The following AGMO variants were observed in gnomAD, a reference collection of about 807,000 sequenced individuals.
AGMO encodes alkylglycerol monooxygenase.
AGMO carries 75 observed loss-of-function variants against 60.2 expected under a neutral mutation model. That is an observed-to-expected ratio of 1.25 (90% CI 1.03 to 1.51). The LOEUF (loss-of-function observed/expected upper bound fraction) is 1.51. Among genes scored for constraint, AGMO ranks in the 40% most tolerant of loss-of-function variants. AGMO has a pLI of 0.00. For missense variants in AGMO, 763 were observed against 525.5 expected (o/e 1.45, Z -4.42); for synonymous variants, 261 against 177.1 (o/e 1.47, Z -3.76).
At chr7:15,129,598 A>T in the AGMO span, among the ~76,000 whole-genome samples, 28 of 152,264 alleles carry the variant, frequency 1.8e-4, no homozygotes, top group South Asian at 5.0e-3. Context: ...TATTCTTTAA[A>T]GACAACAGCT....
intron 12 of AGMO, among the ~76,000 whole-genome samples, chr7:15,305,241 A>T (rs912571603): frequency 9.3e-6 from 1 of 108,096 alleles, no homozygotes; most frequent in Admixed American, 8.4e-5. Context: ...CAATCTGGTT[A>T]AAAAAAAAAA....
chr7:15,308,471 G>C (rs943654480), intron 12 of AGMO, among the ~76,000 whole-genome samples: 1 of 152,000 alleles, frequency 6.6e-6, no homozygotes, highest in East Asian at 1.9e-4. Flanking sequence ...CTACATCATG[G>C]TGTTTTTCAC....
intron 12 of AGMO, among the ~76,000 whole-genome samples, chr7:15,244,720 C>T (rs1017266020): frequency 5.3e-5 from 8 of 152,064 alleles, no homozygotes; most frequent in African/African-American, 2.4e-5. Flanking sequence ...GGCGCGATCT[C>T]GGCTCACTGC....
intron 2 of AGMO, among the ~76,000 whole-genome samples, chr7:15,559,921 A>G (rs1785256597): frequency 6.6e-6 from 1 of 152,164 alleles, no homozygotes; most frequent in Non-Finnish European, 1.5e-5. Flanking sequence ...TCAAAGGGAT[A>G]TCAACAGAGT....
At chr7:15,120,989 C>G in the AGMO span, among the ~76,000 whole-genome samples, 31 of 152,134 alleles carry the variant, frequency 2.0e-4, no homozygotes, top group East Asian at 2.0e-3. Context: ...CACCCCCAGA[C>G]AGGCCACCGT....
At chr7:15,144,683 C>T in the AGMO span, among the ~76,000 whole-genome samples, 1 of 152,202 alleles carries the variant, frequency 6.6e-6, no homozygotes, top group Non-Finnish European at 1.5e-5. Flanking sequence ...TCTGCCCTTG[C>T]CGCTTTACAG....
chr7:15,282,158 T>C (rs114918749), intron 12 of AGMO, among the ~76,000 whole-genome samples: 1,752 of 152,178 alleles, frequency 0.012, 32 homozygotes, highest in African/African-American at 0.04. Context: ...TCTGGTAATA[T>C]GACAAAACAG....
intron 12 of AGMO, among the ~76,000 whole-genome samples, chr7:15,257,430 G>T (rs962809492): frequency 1.8e-4 from 27 of 152,064 alleles, no homozygotes; most frequent in African/African-American, 6.3e-4. Context: ...TTATAAGAAT[G>T]AGATATTTAT....
At chr7:15,465,884 A>G (rs1782271183) in intron 3 of AGMO, among the ~76,000 whole-genome samples, 1 of 152,152 alleles carries the variant, frequency 6.6e-6, no homozygotes, top group Non-Finnish European at 1.5e-5. Context: ...CCAGATGACT[A>G]TAAGAATACC....
At chr7:15,453,556 T>C (rs1781912038) in intron 3 of AGMO, among the ~76,000 whole-genome samples, 1 of 152,224 alleles carries the variant, frequency 6.6e-6, no homozygotes, top group Admixed American at 6.5e-5. Flanking sequence ...GAGCTAGAGA[T>C]GGTTTCACAG....
At chr7:15,238,187 T>C (rs193007793) in intron 12 of AGMO, among the ~76,000 whole-genome samples, 1 of 152,106 alleles carries the variant, frequency 6.6e-6, no homozygotes, top group Admixed American at 6.5e-5. Flanking sequence ...AACTTTTTCA[T>C]AGGCATTTAA....
chr7:15,508,746 T>G (rs1377374191), intron 3 of AGMO, among the ~76,000 whole-genome samples: 1 of 151,946 alleles, frequency 6.6e-6, no homozygotes, highest in East Asian at 1.9e-4. Context: ...AAAAAAAAAG[T>G]TTTTTTAACA....
At chr7:15,395,400 G>C (rs1373051444) in intron 5 of AGMO, among the ~76,000 whole-genome samples, 1 of 151,988 alleles carries the variant, frequency 6.6e-6, no homozygotes, top group Non-Finnish European at 1.5e-5. Context: ...TTTAGATATC[G>C]ATTTGAACAA....
intron 3 of AGMO, among the ~76,000 whole-genome samples, chr7:15,485,187 G>A (rs886349598): frequency 6.0e-5 from 9 of 150,912 alleles, no homozygotes; most frequent in East Asian, 3.9e-4. Context: ...GCGTGATGGC[G>A]GGCGCCTGAA....
At chr7:15,395,259 G>A (rs368429526) in intron 5 of AGMO, among the ~76,000 whole-genome samples, 3 of 152,132 alleles carry the variant, frequency 2.0e-5, no homozygotes, top group East Asian at 1.9e-4. Context: ...GATGCGAAAG[G>A]GCAAAATAGT....
intron 1 of AGMO, 92 bp from the exon 2 acceptor site, chr7:15,560,363 C>T: frequency 7.1e-7 from 1 of 1,405,804 alleles, no homozygotes; most frequent in Non-Finnish European, 9.6e-7. Context: ...TTGAAAGGCC[C>T]AGATTTGGGA....
chr7:15,354,834 G>A (rs974849718), intron 12 of AGMO, among the ~76,000 whole-genome samples: 3 of 150,414 alleles, frequency 2.0e-5, no homozygotes, highest in Non-Finnish European at 3.0e-5. Context: ...ACGAGAATTT[G>A]TTTTCTAAAA....
chr7:15,244,607 A>T (rs1264340271), intron 12 of AGMO, among the ~76,000 whole-genome samples: 1 of 151,858 alleles, frequency 6.6e-6, no homozygotes, highest in Non-Finnish European at 1.5e-5. Flanking sequence ...TGACTTAATC[A>T]AAGACAATAA....
At chr7:15,419,176 T>C (rs894465172) in intron 4 of AGMO, among the ~76,000 whole-genome samples, 3 of 151,944 alleles carry the variant, frequency 2.0e-5, no homozygotes, top group African/African-American at 7.2e-5. Context: ...TCATATCTCT[T>C]AATTTTTTCG....
Sources: allele counts gnomAD v4.1 joint callset (sites outside exome capture counted in the v4.1 genomes callset), GRCh38; gene constraint gnomAD v4.1.1; transcripts MANE v1.5; gene names NCBI Gene and HGNC (gene_info 2026-07-23, HGNC 2026-07-21).